The following ARHGAP42 variants were observed in gnomAD, a reference collection of about 807,000 sequenced individuals.
ARHGAP42 encodes the protein Rho GTPase activating protein 42.
In ARHGAP42, 63 loss-of-function variants were observed where a neutral mutation model predicts 125.0. The ratio of observed to expected loss-of-function variants is 0.50; its 90% confidence interval spans 0.41 to 0.62. The LOEUF (loss-of-function observed/expected upper bound fraction) is 0.62. Among genes scored for constraint, ARHGAP42 ranks in the 20% least tolerant of loss-of-function variants. The pLI is 0.00. For synonymous variants in ARHGAP42, 339 were observed against 351.0 expected, an observed-to-expected ratio of 0.97 and a Z score of 0.38; for missense variants, 766 against 1,024.2, an observed-to-expected ratio of 0.75 and a Z score of 3.44.
chr11:100,924,554 CT>C (rs1867367505), intron 6 of ARHGAP42, among the ~76,000 whole-genome samples: 1 of 151,904 alleles, frequency 6.6e-6, no homozygotes, highest in African/African-American at 2.4e-5. Context: ...GTCATCTAAG[CT>C]ACTCGGGAAG....
At chr11:100,742,917 G>T (rs925956149) in intron 1 of ARHGAP42, among the ~76,000 whole-genome samples, 1 of 152,066 alleles carries the variant, frequency 6.6e-6, no homozygotes, top group African/African-American at 2.4e-5. Context: ...CATTTGTGTG[G>T]AATGTCTTTT....
chr11:100,827,647 G>T (rs79568271), intron 3 of ARHGAP42, among the ~76,000 whole-genome samples: 1 of 152,232 alleles, frequency 6.6e-6, no homozygotes, highest in Non-Finnish European at 1.5e-5. Flanking sequence ...GGTAAGGTGT[G>T]GCTGGCCACA....
intron 12 of ARHGAP42, among the ~76,000 whole-genome samples, chr11:100,951,719 T>A (rs1857654574): frequency 6.6e-6 from 1 of 152,170 alleles, no homozygotes; most frequent in Admixed American, 6.5e-5. Context: ...TGGAAATAGG[T>A]ATCCTGCAGT....
intron 1 of ARHGAP42, among the ~76,000 whole-genome samples, chr11:100,718,592 A>G (rs560397772): frequency 5.9e-5 from 9 of 152,338 alleles, no homozygotes; most frequent in African/African-American, 2.2e-4. Context: ...AATTAAAGTT[A>G]CATATAGGTA....
rs1555008871 is a variant in ARHGAP42 at position 100,837,666 on chromosome 11, C to CTATTTTTTTTTTTTTTTTTTTT, written c.313-21887_313-21886insATTTTTTTTTTTTTTTTTTTTT. On this transcript the variant is annotated intron_variant, in intron 3 of 23. Coordinates refer to ENST00000298815, the MANE Select transcript of ARHGAP42 (RefSeq NM_152432.4). ...CAGTTCCCAGAATCTAGGTGTCATC[C>CTATTTTTTTTTTTTTTTTTTTT]TTTTTTTTTTTTTTTTTTTTTTTTT... 8.2e-5 allele frequency among the ~76,000 whole-genome samples: 5 copies of CTATTTTTTTTTTTTTTTTTTTT among 61,038 alleles called. 1 individual carries two copies. The highest frequency in any genetic ancestry group is 3.5e-4 in the African/African-American group (5 of 14,170). The allele number at this position is 61,038 out of a possible 152,430, so 40.0% of individuals were successfully genotyped here. A position where few individuals can be genotyped will look rare whatever the true frequency, so the allele number is the denominator to read the frequency against.
intron 10 of ARHGAP42, among the ~76,000 whole-genome samples, chr11:100,947,950 A>G (rs1868068442): frequency 6.6e-6 from 1 of 152,026 alleles, no homozygotes; most frequent in Non-Finnish European, 1.5e-5. Context: ...AAATGAATTC[A>G]TTTCAATATT....
intron 3 of ARHGAP42, among the ~76,000 whole-genome samples, chr11:100,849,580 A>AT (rs397760462): frequency 0.18 from 27,420 of 150,024 alleles, 2,623 homozygotes; most frequent in East Asian, 0.28. Context: ...CTTTCAGTTA[A>AT]TTTTTTTTTT....
chr11:100,867,252 C>G (rs1009962610), intron 4 of ARHGAP42, among the ~76,000 whole-genome samples: 1 of 152,218 alleles, frequency 6.6e-6, no homozygotes, highest in African/African-American at 2.4e-5. Context: ...CGCTTTGAAG[C>G]CAAACATTGA....
intron 22 of ARHGAP42, among the ~76,000 whole-genome samples, chr11:100,985,287 G>A (rs540089): frequency 0.42 from 63,478 of 151,894 alleles, 14,998 homozygotes; most frequent in East Asian, 0.95. Context: ...TTTATAATTT[G>A]TCTTAATGGT....
At chr11:100,785,692 C>T (rs777519393) in intron 2 of ARHGAP42, among the ~76,000 whole-genome samples, 9 of 152,086 alleles carry the variant, frequency 5.9e-5, no homozygotes, top group Non-Finnish European at 1.2e-4. Context: ...GGGGGCAGTG[C>T]GAGGTGTAAG....
At chr11:100,714,277 G>T (rs934903773) in intron 1 of ARHGAP42, among the ~76,000 whole-genome samples, 5 of 152,100 alleles carry the variant, frequency 3.3e-5, no homozygotes, top group African/African-American at 1.2e-4. Context: ...ATGTGAAAAG[G>T]TTATTGTTAA....
chr11:100,965,913 G>A, intron 17 of ARHGAP42, 137 bp downstream of exon 17: 1 of 746,720 alleles, frequency 1.3e-6, no homozygotes, highest in South Asian at 2.0e-5. Context: ...AAAATAGTAT[G>A]GCAGTTTGTT....
chr11:100,873,799 A>G (rs1865751710), intron 4 of ARHGAP42, among the ~76,000 whole-genome samples: 1 of 152,196 alleles, frequency 6.6e-6, no homozygotes, highest in Non-Finnish European at 1.5e-5. Context: ...GCCTAAGATT[A>G]GACAGATAGT....
At chr11:100,903,709 A>AAAATATATATATATAT (rs1332890022) in intron 4 of ARHGAP42, among the ~76,000 whole-genome samples, 1 of 63,514 alleles carries the variant, frequency 1.6e-5, no homozygotes, top group African/African-American at 6.8e-5. Flanking sequence ...TGTCCCTCAA[A>AAAATATATATATATAT]ATATATATAT....
intron 6 of ARHGAP42, among the ~76,000 whole-genome samples, chr11:100,925,901 G>T (rs1431938215): frequency 1.3e-5 from 2 of 152,210 alleles, no homozygotes; most frequent in East Asian, 3.9e-4. Context: ...CAGGGAGGGA[G>T]AAACATCTCC....
intron 4 of ARHGAP42, among the ~76,000 whole-genome samples, chr11:100,871,989 C>T (rs1865707809): frequency 6.6e-6 from 1 of 152,170 alleles, no homozygotes. Flanking sequence ...GTGATCCGCC[C>T]ACCTCAGCCT....
rs548809510 is a variant in ARHGAP42 at position 100,988,222 on chromosome 11, A to T, written c.2537-491A>T. On this transcript the variant is annotated intron_variant, in intron 23 of 23. Transcript: ENST00000298815. ...CTGTTTGTACATGTGTGTGAGACAGAGAGATTGTTTTATTTGACTATGTGA... is the reference window on the plus strand; with the variant it reads ...CTGTTTGTACATGTGTGTGAGACAGTGAGATTGTTTTATTTGACTATGTGA... Among the ~76,000 whole-genome samples, 4 of 152,222 alleles carry T rather than the reference A, an allele frequency of 2.6e-5. No homozygotes were observed. In the South Asian group the frequency reaches 8.3e-4, roughly 32 times the overall value.
chr11:100,987,144 G>A (rs1328263532), intron 22 of ARHGAP42, among the ~76,000 whole-genome samples: 1 of 152,134 alleles, frequency 6.6e-6, no homozygotes, highest in African/African-American at 2.4e-5. Context: ...GGAAAAAAAA[G>A]CTTTGGGGTA....
intron 6 of ARHGAP42, among the ~76,000 whole-genome samples, chr11:100,925,685 A>C (rs652017): frequency 0.88 from 134,302 of 152,244 alleles, 59,328 homozygotes; most frequent in East Asian, 1. Context: ...TTGCAGTGAT[A>C]CAAAATCATG....
Sources: allele counts gnomAD v4.1 joint callset (sites outside exome capture counted in the v4.1 genomes callset), GRCh38; gene constraint gnomAD v4.1.1; transcripts MANE v1.5; gene names NCBI Gene and HGNC (gene_info 2026-07-23, HGNC 2026-07-21).